Variants in DPP6 observed in about 807,000 individuals in gnomAD.
DPP6 encodes the protein dipeptidyl peptidase like 6.
In DPP6, 69 loss-of-function variants were observed where a neutral mutation model predicts 122.6. The observed-to-expected ratio is 0.56, with a 90% CI of 0.46 to 0.69. DPP6 has a LOEUF of 0.69. Ranked by LOEUF, DPP6 falls within the 30% of genes least tolerant of loss-of-function variation. The pLI, the probability that DPP6 is intolerant of heterozygous loss-of-function variation, is 0.00. For synonymous variants in DPP6, 418 were observed against 433.1 expected, an observed-to-expected ratio of 0.97 and a Z score of 0.43; for missense variants, 928 against 1,116.9, an observed-to-expected ratio of 0.83 and a Z score of 2.41.
chr7:154,682,561 A>T (rs1463383937), intron 7 of DPP6, among the ~76,000 whole-genome samples: 1 of 152,226 alleles, frequency 6.6e-6, no homozygotes, highest in East Asian at 1.9e-4. Flanking sequence ...GGAGACAGAG[A>T]GGGCACAGAA....
At chr7:154,237,676 C>A (rs890644961) in intron 1 of DPP6, among the ~76,000 whole-genome samples, 3 of 152,178 alleles carry the variant, frequency 2.0e-5, no homozygotes, top group African/African-American at 7.2e-5. Context: ...TCCTTCTCCT[C>A]CTTCCAGCTC....
At chr7:154,814,026 G>A (rs1246579165) in intron 16 of DPP6, among the ~76,000 whole-genome samples, 3 of 151,580 alleles carry the variant, frequency 2.0e-5, no homozygotes, top group Admixed American at 6.6e-5. Context: ...GATTACAAGC[G>A]CCAACCACCA....
intron 7 of DPP6, among the ~76,000 whole-genome samples, chr7:154,709,758 T>A (rs3807252): frequency 0.04 from 6,012 of 152,090 alleles, 385 homozygotes; most frequent in African/African-American, 0.14. Context: ...CCCATCTTTG[T>A]TGTTGGTATA....
chr7:154,488,847 C>CTCCTCCA (rs1188527966), intron 3 of DPP6, among the ~76,000 whole-genome samples: 2 of 152,172 alleles, frequency 1.3e-5, no homozygotes, highest in East Asian at 1.9e-4. Flanking sequence ...ATCCCCGTCC[C>CTCCTCCA]TCCTCCATCC....
intron 5 of DPP6, among the ~76,000 whole-genome samples, chr7:154,628,582 C>G (rs1835223748): frequency 6.6e-6 from 1 of 152,216 alleles, no homozygotes; most frequent in African/African-American, 2.4e-5. Context: ...GACAACATGT[C>G]TTCCCAGAAA....
At chr7:154,472,609 C>T (rs1216316552) in intron 2 of DPP6, among the ~76,000 whole-genome samples, 1 of 152,200 alleles carries the variant, frequency 6.6e-6, no homozygotes, top group East Asian at 1.9e-4. Context: ...TTCTCTTCTT[C>T]AGGGCTCAGC....
intron 1 of DPP6, among the ~76,000 whole-genome samples, chr7:154,258,300 T>C (rs1017477492): frequency 2.0e-5 from 3 of 152,210 alleles, no homozygotes; most frequent in African/African-American, 7.2e-5. Flanking sequence ...ATTGCTTTCA[T>C]ACATATCTTG....
intron 1 of DPP6, among the ~76,000 whole-genome samples, chr7:154,000,332 A>C (rs1248939243): frequency 2.0e-5 from 3 of 152,178 alleles, no homozygotes; most frequent in Admixed American, 6.5e-5. Context: ...TTGCTAGCTC[A>C]TTGCGGATTG....
intron 16 of DPP6, among the ~76,000 whole-genome samples, chr7:154,835,023 G>A (rs1250596670): frequency 6.6e-6 from 1 of 152,196 alleles, no homozygotes; most frequent in African/African-American, 2.4e-5. Flanking sequence ...GGGTCAGTGT[G>A]CACCAAATGG....
At chr7:154,235,720 A>G (rs1268805928) in intron 1 of DPP6, among the ~76,000 whole-genome samples, 1 of 152,152 alleles carries the variant, frequency 6.6e-6, no homozygotes. Flanking sequence ...GCACAAACCA[A>G]CTCGAAGTGA....
At chr7:153,901,685 AGAC>A (rs1799644409) in intron 1 of DPP6, among the ~76,000 whole-genome samples, 1 of 152,222 alleles carries the variant, frequency 6.6e-6, no homozygotes, top group African/African-American at 2.4e-5. Context: ...GGATGACAGA[AGAC>A]AGACCCTCGT....
At chr7:154,190,377 C>T (rs1798557921) in intron 1 of DPP6, among the ~76,000 whole-genome samples, 1 of 151,988 alleles carries the variant, frequency 6.6e-6, no homozygotes, top group South Asian at 2.1e-4. Flanking sequence ...ACCAGCCCCT[C>T]TAGTAATGTC....
chr7:154,848,429 T>G (rs901939344), intron 16 of DPP6, among the ~76,000 whole-genome samples: 1 of 152,224 alleles, frequency 6.6e-6, no homozygotes, highest in South Asian at 2.1e-4. Context: ...TTAGTGATGC[T>G]GAATATTTTT....
intron 25 of DPP6, 89 bp downstream of exon 25, chr7:154,889,619 T>G: frequency 6.5e-7 from 1 of 1,538,918 alleles, no homozygotes; most frequent in Non-Finnish European, 8.8e-7. Context: ...GGCCTTCTAC[T>G]GCAGCAGACA....
the DPP6 span, among the ~76,000 whole-genome samples, chr7:153,826,331 G>A: frequency 6.6e-6 from 1 of 152,158 alleles, no homozygotes; most frequent in Non-Finnish European, 1.5e-5. Context: ...CACACATTTG[G>A]GATAGAATTT....
intron 1 of DPP6, among the ~76,000 whole-genome samples, chr7:153,981,389 T>C (rs1334189477): frequency 6.6e-6 from 1 of 152,236 alleles, no homozygotes; most frequent in African/African-American, 2.4e-5. Context: ...ACTTTCTATT[T>C]ACTTGGTTAA....
rs749251254 is a variant in DPP6, at chr7:154,241,806, A to G, written c.243+188743A>G. ...CCGAAAAAGTTTATGTCAAAACTAC[A>G]GAAAAGAGCCATTTCTTCCATTTCT... On this transcript the variant is annotated intron_variant, in intron 1 of 25. Coordinates refer to ENST00000377770, the MANE Select transcript of DPP6 (RefSeq NM_130797.4). This position sits in a 1 kb window ranked among gnomAD's most constrained non-coding sequence, Gnocchi z 9.0. Among the ~76,000 whole-genome samples the G allele has an allele frequency of 3.9e-5, 6 of 152,218 alleles. No individual in the cohort carries two copies. Among genetic ancestry groups the G allele is most frequent in the Non-Finnish European group, 7.3e-5 (5 of 68,040 alleles).
intron 4 of DPP6, among the ~76,000 whole-genome samples, chr7:154,556,624 A>G (rs1421007898): frequency 6.6e-6 from 1 of 152,222 alleles, no homozygotes; most frequent in Non-Finnish European, 1.5e-5. Flanking sequence ...TTTAATCAAA[A>G]TAGGAAATCC....
the DPP6 span, among the ~76,000 whole-genome samples, chr7:153,819,377 A>G: frequency 6.8e-6 from 1 of 147,568 alleles, no homozygotes; most frequent in Admixed American, 6.8e-5. Context: ...ATATTTTTCT[A>G]AGTCTGCTTT....
Sources: gnomAD v4.1 joint callset for allele counts (sites outside exome capture counted in the v4.1 genomes callset) on GRCh38, gnomAD v4.1.1 for gene constraint, Gnocchi (gnomAD v3.1) non-coding constraint, MANE v1.5 for transcripts, NCBI Gene and HGNC (gene_info 2026-07-23, HGNC 2026-07-21) for gene names.